DNAH11: variants seen among roughly 807,000 people sequenced by gnomAD.
DNAH11 encodes dynein axonemal heavy chain 11.
DNAH11 carries 442 observed loss-of-function variants against 526.0 expected under a neutral mutation model. The ratio of observed to expected loss-of-function variants is 0.84; its 90% CI spans 0.78 to 0.91. The LOEUF is 0.91. Ranked by LOEUF, DNAH11 falls within the 40% of genes least tolerant of loss-of-function variation. DNAH11 has a pLI of 0.00. For synonymous variants in DNAH11, 2,461 were observed against 1,935.9 expected (o/e 1.27, Z -7.12); for missense variants, 6,989 against 5,448.7 (o/e 1.28, Z -8.90).
intron 67 of DNAH11, among the ~76,000 whole-genome samples, chr7:21,852,923 G>T (rs1215556799): frequency 1.3e-5 from 2 of 152,170 alleles, no homozygotes; most frequent in East Asian, 3.9e-4. Context: ...GGCTTCTATG[G>T]CTGAAAATCT....
chr7:21,574,949 A>T (rs1187735336), intron 8 of DNAH11, among the ~76,000 whole-genome samples: 1 of 129,668 alleles, frequency 7.7e-6, no homozygotes, highest in Non-Finnish European at 1.5e-5. Flanking sequence ...ATCTCAGCTC[A>T]CTGCAACCTC....
intron 20 of DNAH11, among the ~76,000 whole-genome samples, chr7:21,614,094 C>T (rs1267896156): frequency 1.3e-5 from 2 of 152,044 alleles, no homozygotes; most frequent in African/African-American, 4.8e-5. Context: ...TCCAAAGCAT[C>T]ATGTTGTACG....
In DNAH11 at chr7:21,663,123, G is replaced by C. The variant is rs557123309; in HGVS notation, c.5328+4092G>C. On this transcript the variant is annotated intron_variant, in intron 30 of 81. Coordinates refer to ENST00000409508, the MANE Select transcript of DNAH11 (RefSeq NM_001277115.2). The stretch of plus-strand genomic sequence containing the variant: ...GTTTCACTGATGATAATGACCTCTA[G>C]TTCCCTGCGTGTTGCTACAAAAGAC... Among the ~76,000 whole-genome samples, 3 of 152,124 alleles carry C rather than the reference G, an allele frequency of 2.0e-5. No individual in the cohort carries two copies. The East Asian group carries it at 5.8e-4, about 29-fold the overall frequency.
chr7:21,734,743 A>AG (rs1347776099), intron 45 of DNAH11, among the ~76,000 whole-genome samples: 1 of 152,166 alleles, frequency 6.6e-6, no homozygotes, highest in East Asian at 1.9e-4. Flanking sequence ...CTGTAGTCTC[A>AG]GCTACTTGGG....
At chr7:21,900,738 G>A (rs1784763563) in intron 81 of DNAH11, among the ~76,000 whole-genome samples, 2 of 131,738 alleles carry the variant, frequency 1.5e-5, no homozygotes, top group Admixed American at 1.5e-4. Context: ...CAGTGTATGT[G>A]AATTCTCTTA....
chr7:21,852,368 C>A, intron 66 of DNAH11, 99 bp from the exon 67 acceptor site: 1 of 1,278,230 alleles, frequency 7.8e-7, no homozygotes, highest in Non-Finnish European at 1.1e-6. Flanking sequence ...GATCATACCA[C>A]TGTACTCCAG....
chr7:21,608,023 C>A (rs1785370433), intron 20 of DNAH11, among the ~76,000 whole-genome samples: 1 of 138,870 alleles, frequency 7.2e-6, no homozygotes, highest in Non-Finnish European at 1.5e-5. Context: ...CTAGGATTAA[C>A]ATTCTGGCTA....
At chr7:21,743,681 A>G (rs1298011074) in intron 49 of DNAH11, among the ~76,000 whole-genome samples, 1 of 152,200 alleles carries the variant, frequency 6.6e-6, no homozygotes, top group African/African-American at 2.4e-5. Flanking sequence ...TGCCAGAAAG[A>G]TTGCTTAATA....
chr7:21,848,130 G>A (rs1235578636), intron 66 of DNAH11, among the ~76,000 whole-genome samples: 1 of 143,708 alleles, frequency 7.0e-6, no homozygotes, highest in East Asian at 2.2e-4. Context: ...TTGCACCACT[G>A]CACTCCAGCC....
At chr7:21,701,098 A>AAACAAC (rs370170241) in intron 36 of DNAH11, among the ~76,000 whole-genome samples, 1 of 151,800 alleles carries the variant, frequency 6.6e-6, no homozygotes, top group Non-Finnish European at 1.5e-5. Context: ...CCCGAAACTT[A>AAACAAC]AACAACAACA....
chr7:21,713,921 T>G (rs1221632759), intron 42 of DNAH11, among the ~76,000 whole-genome samples: 1 of 152,180 alleles, frequency 6.6e-6, no homozygotes, highest in East Asian at 1.9e-4. Flanking sequence ...CTGGGATGCT[T>G]CTATTGGTTG....
chr7:21,600,383 A>T (rs1447312071), intron 15 of DNAH11, among the ~76,000 whole-genome samples: 1 of 152,038 alleles, frequency 6.6e-6, no homozygotes, highest in African/African-American at 2.4e-5. Context: ...GCTTGAGTCC[A>T]GGAGTTAGAG....
At chr7:21,665,186 C>T (rs1782378415) in intron 30 of DNAH11, among the ~76,000 whole-genome samples, 1 of 151,918 alleles carries the variant, frequency 6.6e-6, no homozygotes, top group South Asian at 2.1e-4. Context: ...CTACCTTTCT[C>T]ATGTTTGGCT....
At chr7:21,743,276 T>C (rs1224878453) in intron 49 of DNAH11, among the ~76,000 whole-genome samples, 1 of 152,390 alleles carries the variant, frequency 6.6e-6, no homozygotes, top group South Asian at 2.1e-4. Flanking sequence ...AAGGCACTTA[T>C]GTGTGATTTT....
At chr7:21,891,325 G>A (rs879435807) in intron 76 of DNAH11, among the ~76,000 whole-genome samples, 1 of 152,118 alleles carries the variant, frequency 6.6e-6, no homozygotes, top group Non-Finnish European at 1.5e-5. Flanking sequence ...AGCTACATTC[G>A]ATGATAGTTT....
chr7:21,852,543 C>G lies in DNAH11; in HGVS notation c.10973C>G (p.Ser3658Cys). 6.2e-7 allele frequency: 1 copy of G among 1,613,180 alleles called. No individual in the cohort carries two copies. Among genetic ancestry groups the G allele is most frequent in the Non-Finnish European group, 8.5e-7 (1 of 1,179,640 alleles). Residue 3658 changes from serine (S) to cysteine (C), a missense_variant, in exon 67 of 82, where the codon TCT (serine) becomes TGT (cysteine). By Grantham distance (112) the Ser-to-Cys change is moderately radical. Transcript: ENST00000409508. ...YLEDDLLLRL[S>C]AAEGSFLDDT... ...GAAGACGATCTCCTTTTGCGCCTTT[C>G]TGCGGCAGAGGGAAGCTTTCTGGAT...
At chr7:21,812,148 G>C (rs1350249387) in intron 63 of DNAH11, among the ~76,000 whole-genome samples, 1 of 152,176 alleles carries the variant, frequency 6.6e-6, no homozygotes, top group Non-Finnish European at 1.5e-5. Context: ...ATCTACATGG[G>C]CACTGAGGTT....
rs770246026 is a variant in DNAH11, at chr7:21,683,795, C to G, written c.5472C>G (p.Pro1824=). ...AKLISQKVVS[P]QAFTWLSQLR... ...TGCAATGCCTTTAGGTTGTCAGTCC[C>G]CAAGCTTTTACATGGCTGTCTCAAC... The change falls in exon 32 of 82, where the codon CCC becomes CCG. Residue 1824 remains proline, a synonymous_variant. Transcript: ENST00000409508. 4 of 1,607,366 alleles carry G rather than the reference C, an allele frequency of 2.5e-6. No individual in the cohort carries two copies. The highest frequency in any genetic ancestry group is 2.2e-5 in the South Asian group (2 of 89,646).
intron 20 of DNAH11, among the ~76,000 whole-genome samples, chr7:21,611,454 C>T (rs1434142814): frequency 6.6e-6 from 1 of 152,110 alleles, no homozygotes; most frequent in Non-Finnish European, 1.5e-5. Context: ...TGAGCCAATA[C>T]CCCTAATGAA....
Sources: gnomAD v4.1 joint callset for allele counts (sites outside exome capture counted in the v4.1 genomes callset) on GRCh38, gnomAD v4.1.1 for gene constraint, MANE v1.5 for transcripts, NCBI Gene and HGNC (gene_info 2026-07-23, HGNC 2026-07-21) for gene names.